DOK6: variants seen among roughly 807,000 people sequenced by gnomAD.
The protein encoded by DOK6 is docking protein 6.
In DOK6, 22 loss-of-function variants were observed where a neutral mutation model predicts 44.0. The observed-to-expected ratio is 0.50, with a 90% CI of 0.36 to 0.71. The LOEUF (loss-of-function observed/expected upper bound fraction) is 0.71. Ranked by LOEUF, DOK6 falls within the 30% of genes least tolerant of loss-of-function variation. The pLI, the probability that DOK6 is intolerant of heterozygous loss-of-function variation, is 0.00. For synonymous variants in DOK6, 166 were observed against 145.5 expected (o/e 1.14, Z -1.01); for missense variants, 340 against 416.4 (o/e 0.82, Z 1.60).
intron 2 of DOK6, among the ~76,000 whole-genome samples, chr18:69,567,629 C>T (rs149876746): frequency 8.4e-4 from 128 of 152,274 alleles, no homozygotes; most frequent in Middle Eastern, 3.4e-3. Flanking sequence ...TCTGGCATTA[C>T]AGTCTTAAAA....
intron 2 of DOK6, among the ~76,000 whole-genome samples, chr18:69,598,026 C>T (rs530988253): frequency 1.3e-5 from 2 of 152,248 alleles, no homozygotes; most frequent in African/African-American, 4.8e-5. Flanking sequence ...TATCCAATTG[C>T]TCATTTCCAT....
chr18:69,681,076 A>G (rs1452570928), intron 4 of DOK6, among the ~76,000 whole-genome samples: 1 of 152,218 alleles, frequency 6.6e-6, no homozygotes, highest in Non-Finnish European at 1.5e-5. Context: ...GTTTATTAAG[A>G]CATTTTAGTA....
intron 7 of DOK6, among the ~76,000 whole-genome samples, chr18:69,822,919 A>C (rs1981620633): frequency 6.6e-6 from 1 of 152,224 alleles, no homozygotes; most frequent in African/African-American, 2.4e-5. Context: ...ATACATTGAC[A>C]ATCACATTTA....
chr18:69,674,139 A>T (rs535076309), intron 3 of DOK6, among the ~76,000 whole-genome samples: 1 of 152,354 alleles, frequency 6.6e-6, no homozygotes, highest in East Asian at 1.9e-4. Flanking sequence ...AGATTAAAAG[A>T]CTTCAATACA....
At chr18:69,486,896 T>C (rs1980591430) in intron 1 of DOK6, among the ~76,000 whole-genome samples, 1 of 152,208 alleles carries the variant, frequency 6.6e-6, no homozygotes, top group South Asian at 2.1e-4. Context: ...ATCTGCGGTT[T>C]ATATACACCT....
At chr18:69,822,120 T>C (rs1264780001) in intron 7 of DOK6, among the ~76,000 whole-genome samples, 1 of 152,220 alleles carries the variant, frequency 6.6e-6, no homozygotes, top group Non-Finnish European at 1.5e-5. Context: ...GACTTGATAA[T>C]GCATTTCATA....
chr18:69,848,054 C>CACAT lies in DOK6; in HGVS notation c.*6674_*6675insTACA, dbSNP rs1568145199. ...ACACACACACACACACACACACACACACACACACATTTTTGGCTTTTGACC... is the reference window on the plus strand; with the variant it reads ...ACACACACACACACACACACACACACACATACACACACATTTTTGGCTTTTGACC... On this transcript the variant is annotated 3_prime_UTR_variant, in exon 8 of 8. Transcript: ENST00000382713. 1.7e-4 allele frequency: 22 copies of CACAT among 130,774 alleles called. No individual in the cohort carries two copies. Among genetic ancestry groups the CACAT allele is most frequent in the African/African-American group, 5.6e-4 (21 of 37,392 alleles). 8.1% of individuals were successfully genotyped at this position (130,774 alleles called of 1,614,324 possible).
At chr18:69,644,172 G>T (rs907034611) in intron 3 of DOK6, among the ~76,000 whole-genome samples, 24 of 151,898 alleles carry the variant, frequency 1.6e-4, no homozygotes, top group Non-Finnish European at 5.9e-5. Flanking sequence ...TCAGATATGT[G>T]GTTTGCAAAT....
intron 2 of DOK6, among the ~76,000 whole-genome samples, chr18:69,586,933 T>C (rs1373698201): frequency 6.6e-6 from 1 of 151,754 alleles, no homozygotes; most frequent in African/African-American, 2.4e-5. Context: ...AAATAAAGAA[T>C]AAAAAAAGAA....
At chr18:69,658,464 T>C (rs1028340400) in intron 3 of DOK6, among the ~76,000 whole-genome samples, 4 of 152,214 alleles carry the variant, frequency 2.6e-5, no homozygotes, top group Middle Eastern at 3.2e-3. Flanking sequence ...ATAAGTATTG[T>C]TGTAATATTT....
chr18:69,680,494 TA>T, intron 4 of DOK6, among the ~76,000 whole-genome samples: 1 of 152,370 alleles, frequency 6.6e-6, no homozygotes, highest in South Asian at 2.1e-4. Context: ...TAGAACTTTT[TA>T]AAATTTGCAT....
chr18:69,543,817 AATG>A (rs1346382217), intron 1 of DOK6, among the ~76,000 whole-genome samples: 1 of 151,582 alleles, frequency 6.6e-6, no homozygotes, highest in East Asian at 1.9e-4. Context: ...ACAAAGAACA[AATG>A]ATAAGGGAAA....
At chr18:69,766,297 TCAC>T (rs1310263462) in intron 7 of DOK6, among the ~76,000 whole-genome samples, 1 of 152,106 alleles carries the variant, frequency 6.6e-6, no homozygotes, top group Non-Finnish European at 1.5e-5. Context: ...GGTACTATGC[TCAC>T]CACCCGGGTG....
intron 1 of DOK6, among the ~76,000 whole-genome samples, chr18:69,528,039 T>G (rs1378179569): frequency 6.6e-6 from 1 of 151,772 alleles, no homozygotes; most frequent in South Asian, 2.1e-4. Context: ...GGTGGGTGCC[T>G]GTAGTCCCAG....
Position 69,620,277 on chromosome 18 carries a change from A to C in DOK6, c.289+20779A>C, listed in dbSNP as rs1001848983. ...ATACTCCATTATTTGCCAAGTTGTC[A>C]TTTTCTTCCTCCAGATTGTATTTGT... is the stretch of plus-strand genomic sequence containing the variant. On this transcript the variant is annotated intron_variant, in intron 3 of 7. Transcript: ENST00000382713. Among the ~76,000 whole-genome samples the C allele has an allele frequency of 2.0e-5, 3 of 152,116 alleles. No homozygotes were observed. In the East Asian group the frequency reaches 5.8e-4, roughly 29 times the overall value.
chr18:69,835,333 T>C lies in DOK6; in HGVS notation c.857-5911T>C, dbSNP rs181993421. On this transcript the variant is annotated intron_variant, in intron 7 of 7. Transcript: ENST00000382713. ...AAAAAAAATTAGTTGGGTATGGTGG[T>C]GGGCGCCTGTAGTCCCAGCTACTGG... Among the ~76,000 whole-genome samples, 963 of 152,080 alleles carry C rather than the reference T, an allele frequency of 6.3e-3. 4 individuals are homozygous for C. Among genetic ancestry groups the C allele is most frequent in the Middle Eastern group, 0.041 (12 of 294 alleles).
chr18:69,420,993 A>G (rs1014069338), intron 1 of DOK6, among the ~76,000 whole-genome samples: 6 of 152,186 alleles, frequency 3.9e-5, no homozygotes, highest in African/African-American at 1.2e-4. Context: ...GTCACTAACG[A>G]TTCCTCAGAT....
At chr18:69,836,011 C>T (rs1251605177) in intron 7 of DOK6, among the ~76,000 whole-genome samples, 1 of 152,116 alleles carries the variant, frequency 6.6e-6, no homozygotes, top group Non-Finnish European at 1.5e-5. Flanking sequence ...CAGAGACTAG[C>T]CAAAAGGGAA....
chr18:69,483,626 A>G (rs1980491967), intron 1 of DOK6: 1 of 152,092 alleles, frequency 6.6e-6, no homozygotes, highest in South Asian at 2.1e-4. Context: ...GATCCCTTGT[A>G]ACACTAGAGT....
Sources: gnomAD v4.1 joint callset for allele counts (sites outside exome capture counted in the v4.1 genomes callset) on GRCh38, gnomAD v4.1.1 for gene constraint, MANE v1.5 for transcripts, NCBI Gene and HGNC (gene_info 2026-07-23, HGNC 2026-07-21) for gene names.